ERC1: variants seen among roughly 807,000 people sequenced by gnomAD.
The protein encoded by ERC1 is ELKS/RAB6-interacting/CAST family member 1.
In ERC1, 56 loss-of-function variants were observed where a neutral mutation model predicts 132.0. The ratio of observed to expected loss-of-function variants is 0.42; its 90% CI spans 0.34 to 0.53. The LOEUF (loss-of-function observed/expected upper bound fraction) is 0.53. Ranked by LOEUF, ERC1 falls within the 20% of genes least tolerant of loss-of-function variation. The pLI is 0.03. For synonymous variants in ERC1, 478 were observed against 476.1 expected (o/e 1.00, Z -0.05); for missense variants, 1,202 against 1,349.9 (o/e 0.89, Z 1.72).
At chr12:1,360,046 A>G (rs889691011) in intron 15 of ERC1, among the ~76,000 whole-genome samples, 2 of 152,178 alleles carry the variant, frequency 1.3e-5, no homozygotes, top group Admixed American at 6.5e-5. Flanking sequence ...TAAATACCAA[A>G]TGAGCAGACA....
At chr12:1,455,241 C>T (rs2093505287) in intron 18 of ERC1, among the ~76,000 whole-genome samples, 1 of 152,180 alleles carries the variant, frequency 6.6e-6, no homozygotes, top group South Asian at 2.1e-4. Flanking sequence ...AAATTCTCTT[C>T]TAATCTTCAT....
At chr12:1,343,945 C>T (rs2084173159) in intron 15 of ERC1, among the ~76,000 whole-genome samples, 1 of 152,074 alleles carries the variant, frequency 6.6e-6, no homozygotes, top group South Asian at 2.1e-4. Flanking sequence ...AGGTTCACAC[C>T]ATTCTCCTGC....
intron 16 of ERC1, among the ~76,000 whole-genome samples, chr12:1,406,967 G>T (rs1431564308): frequency 6.6e-6 from 1 of 152,116 alleles, no homozygotes; most frequent in Non-Finnish European, 1.5e-5. Context: ...AAAACTTCAA[G>T]TTTTAACAAT....
intron 17 of ERC1, among the ~76,000 whole-genome samples, chr12:1,441,812 C>T (rs920190429): frequency 6.6e-6 from 1 of 152,152 alleles, no homozygotes; most frequent in Non-Finnish European, 1.5e-5. Context: ...AGTAACAGAA[C>T]CGTGATGAGA....
intron 2 of ERC1, among the ~76,000 whole-genome samples, chr12:1,031,881 C>T (rs1189065247): frequency 1.3e-5 from 2 of 152,122 alleles, no homozygotes; most frequent in East Asian, 1.9e-4. Context: ...TCAGCATCAA[C>T]AGGCATATTT....
chr12:1,192,261 T>C (rs560056284), intron 12 of ERC1, among the ~76,000 whole-genome samples: 5 of 152,362 alleles, frequency 3.3e-5, no homozygotes, highest in South Asian at 2.1e-4. Flanking sequence ...AGGTAGATTT[T>C]AGTTTCACTT....
intron 2 of ERC1, among the ~76,000 whole-genome samples, chr12:1,057,149 TG>T (rs1237475110): frequency 2.0e-5 from 3 of 152,172 alleles, no homozygotes; most frequent in Admixed American, 6.5e-5. Context: ...TTGTTTGTTT[TG>T]TTTTTTTTGA....
At chr12:1,276,649 G>T (rs955920984) in intron 14 of ERC1, among the ~76,000 whole-genome samples, 3 of 151,280 alleles carry the variant, frequency 2.0e-5, no homozygotes, top group African/African-American at 7.3e-5. Context: ...TCTCCATTTT[G>T]TCTCCTAGAA....
intron 11 of ERC1, among the ~76,000 whole-genome samples, chr12:1,189,218 T>C (rs1955459304): frequency 6.6e-6 from 1 of 152,174 alleles, no homozygotes; most frequent in South Asian, 2.1e-4. Flanking sequence ...CATCCTTAAG[T>C]GTGGTTCTCG....
intron 17 of ERC1, among the ~76,000 whole-genome samples, chr12:1,424,854 A>ATAGATAGCTAGCTAGC (rs1565411376): frequency 2.1e-4 from 26 of 125,242 alleles, no homozygotes; most frequent in African/African-American, 8.8e-4. Flanking sequence ...TGATAGATAG[A>ATAGATAGCTAGCTAGC]TAGATAGATC....
At chr12:1,024,162 G>A (rs759165939) in intron 1 of ERC1, among the ~76,000 whole-genome samples, 6 of 152,142 alleles carry the variant, frequency 3.9e-5, no homozygotes, top group South Asian at 4.1e-4. Flanking sequence ...AGGCGAATCC[G>A]TTGGGCCCAG....
chr12:1,227,517 T>A (rs2074683460), intron 12 of ERC1, among the ~76,000 whole-genome samples: 1 of 152,238 alleles, frequency 6.6e-6, no homozygotes, highest in Admixed American at 6.5e-5. Context: ...TCAGGTTGTT[T>A]TCTTGCTATT....
Position 1,280,565 on chromosome 12 carries a change from A to G in ERC1, c.2620-9287A>G, listed in dbSNP as rs566135045. On this transcript the variant is annotated intron_variant, in intron 14 of 18. Transcript: ENST00000360905. The stretch of plus-strand genomic sequence containing the variant: ...TTTGTAATCTCTCCAAGTATCTGTA[A>G]TCTCACCTAGATGGAAGAAATTATT... Among the ~76,000 whole-genome samples, 9 of 152,308 alleles carry G rather than the reference A, an allele frequency of 5.9e-5. No homozygotes were observed. In the South Asian group the frequency reaches 1.9e-3, roughly 32 times the overall value.
chr12:1,291,391 G>T (rs373668715), intron 15 of ERC1, among the ~76,000 whole-genome samples: 2 of 152,206 alleles, frequency 1.3e-5, no homozygotes, highest in Admixed American at 6.5e-5. Context: ...CCCTGTGACT[G>T]TTGGCAATGA....
At position 1,400,437 on chromosome 12, in the gene ERC1, AT is replaced by A. The variant is rs200916802; in HGVS notation, c.2926-7703del. ...TATAAATTTTGATGTGCTCCGATTT[AT>A]TTTTTTTTCTTTTGCCGCTTTCGCT... On this transcript the variant is annotated intron_variant, in intron 16 of 18. Coordinates refer to ENST00000360905, the MANE Select transcript of ERC1 (RefSeq NM_178040.4). Among the ~76,000 whole-genome samples, 8 of 150,952 alleles carry A rather than the reference AT, an allele frequency of 5.3e-5. No homozygotes were observed. The East Asian group carries it at 1.6e-3, about 29-fold the overall frequency.
At chr12:1,083,079 C>T in intron 2 of ERC1, 85 bp from the exon 3 acceptor site, 1 of 1,133,882 alleles carries the variant, frequency 8.8e-7, no homozygotes, top group South Asian at 1.5e-5. Context: ...TTTCTTGTAG[C>T]TATTTTTGAT....
At chr12:1,095,559 A>G (rs1943917603) in intron 3 of ERC1, among the ~76,000 whole-genome samples, 1 of 151,828 alleles carries the variant, frequency 6.6e-6, no homozygotes. Context: ...AAAAAAAGAC[A>G]AATAGACTAT....
At chr12:1,110,123 A>G in intron 4 of ERC1, 69 bp from the exon 5 acceptor site, 1 of 1,295,220 alleles carries the variant, frequency 7.7e-7, no homozygotes, top group South Asian at 1.5e-5. Context: ...ACTTCTTTAA[A>G]TATCATGTTA....
chr12:1,210,612 G>T (rs910064591), intron 12 of ERC1, among the ~76,000 whole-genome samples: 1 of 152,002 alleles, frequency 6.6e-6, no homozygotes, highest in Non-Finnish European at 1.5e-5. Context: ...TCTTTACTTC[G>T]CTTTCCTTCA....
Sources: gnomAD v4.1 joint callset for allele counts (sites outside exome capture counted in the v4.1 genomes callset) on GRCh38, gnomAD v4.1.1 for gene constraint, MANE v1.5 for transcripts, NCBI Gene and HGNC (gene_info 2026-07-23, HGNC 2026-07-21) for gene names.